The following EFCAB6 variants were observed in gnomAD, a reference collection of about 807,000 sequenced individuals.
EFCAB6 encodes the protein EF-hand calcium-binding domain-containing protein 6.
Under a neutral mutation model 169.8 loss-of-function variants are expected in EFCAB6, and 156 were observed. The ratio of observed to expected loss-of-function variants is 0.92; its 90% CI spans 0.81 to 1.05. The LOEUF is 1.05. EFCAB6 is among the 50% of genes least tolerant of loss of function. The probability of loss-of-function intolerance (pLI) is 0.00; values close to 1 mark genes in which losing one functional copy is unlikely to be tolerated. For missense variants in EFCAB6, 1,800 were observed against 1,829.1 expected (o/e 0.98, Z 0.29); for synonymous variants, 698 against 676.4 (o/e 1.03, Z -0.50).
At chr22:43,618,748 T>A (rs1303735694) in intron 20 of EFCAB6, among the ~76,000 whole-genome samples, 1 of 152,136 alleles carries the variant, frequency 6.6e-6, no homozygotes, top group Non-Finnish European at 1.5e-5. Context: ...CCTGTTTTTG[T>A]CTCTGTTTAC....
chr22:43,755,093 A>C (rs2060906608), intron 6 of EFCAB6, among the ~76,000 whole-genome samples: 1 of 152,326 alleles, frequency 6.6e-6, no homozygotes, highest in African/African-American at 2.4e-5. Flanking sequence ...GAAGAGTTCA[A>C]AAAAGAAAAT....
chr22:43,543,688 A>AGGGGCTGGAT (rs1482946352), intron 27 of EFCAB6, among the ~76,000 whole-genome samples: 1 of 152,054 alleles, frequency 6.6e-6, no homozygotes, highest in African/African-American at 2.4e-5. Context: ...GCTGCCCTGG[A>AGGGGCTGGAT]GGGGCTGGAT....
intron 2 of EFCAB6, among the ~76,000 whole-genome samples, chr22:43,804,009 G>C (rs2062824840): frequency 6.6e-6 from 1 of 152,114 alleles, no homozygotes; most frequent in East Asian, 1.9e-4. Flanking sequence ...ACTGTATCCA[G>C]CTAGAATGAC....
chr22:43,571,843 T>C (rs2049896121), intron 26 of EFCAB6, among the ~76,000 whole-genome samples: 1 of 152,188 alleles, frequency 6.6e-6, no homozygotes. Context: ...CCTCCTGCCA[T>C]GTCATGTTCC....
intron 12 of EFCAB6, among the ~76,000 whole-genome samples, chr22:43,680,565 T>C (rs1291519493): frequency 6.6e-6 from 1 of 152,208 alleles, no homozygotes; most frequent in East Asian, 1.9e-4. Flanking sequence ...ATCTTAATAA[T>C]ATTGTCTCCG....
intron 2 of EFCAB6, among the ~76,000 whole-genome samples, chr22:43,789,532 G>T (rs1423596389): frequency 6.6e-6 from 1 of 152,164 alleles, no homozygotes; most frequent in Non-Finnish European, 1.5e-5. Context: ...GAGTCACAGC[G>T]GTGTCCTGCT....
chr22:43,552,998 T>A (rs1459435049), intron 27 of EFCAB6: 1 of 152,186 alleles, frequency 6.6e-6, no homozygotes, highest in African/African-American at 2.4e-5. Context: ...GCAAAAATGA[T>A]CACACCAAAA....
chr22:43,772,645 A>G (rs1163496605), intron 4 of EFCAB6, among the ~76,000 whole-genome samples: 1 of 150,614 alleles, frequency 6.6e-6, no homozygotes, highest in South Asian at 2.1e-4. Flanking sequence ...CTGTCTCAAA[A>G]AAAAAAAAAA....
intron 26 of EFCAB6, among the ~76,000 whole-genome samples, chr22:43,559,143 T>C (rs1020067671): frequency 4.6e-5 from 7 of 152,050 alleles, no homozygotes; most frequent in African/African-American, 1.7e-4. Flanking sequence ...ATCCAGAATC[T>C]ACAAGGAACT....
At chr22:43,612,009 C>T (rs1478517371) in intron 21 of EFCAB6, among the ~76,000 whole-genome samples, 2 of 152,064 alleles carry the variant, frequency 1.3e-5, no homozygotes, top group African/African-American at 2.4e-5. Flanking sequence ...TAAGACTGCA[C>T]ACCTACAACC....
rs541225076 is a variant in EFCAB6, at chr22:43,737,846, TTC to T, written c.508-1855_508-1854del. On this transcript the variant is annotated intron_variant, in intron 6 of 31. Transcript: ENST00000262726. ...TCACACCATTACTCACACACATATATTCTCACACATACATACATGCACATATA... is the reference window on the plus strand; with the variant it reads ...TCACACCATTACTCACACACATATATTCACACATACATACATGCACATATA... Among the ~76,000 whole-genome samples, 272 of 146,286 alleles carry T rather than the reference TTC, an allele frequency of 1.9e-3. 1 individual carries two copies. The highest frequency in any genetic ancestry group is 2.4e-3 in the Non-Finnish European group (159 of 66,534).
intron 17 of EFCAB6, among the ~76,000 whole-genome samples, chr22:43,652,186 C>G (rs1254391006): frequency 6.6e-6 from 1 of 152,098 alleles, no homozygotes; most frequent in Non-Finnish European, 1.5e-5. Context: ...TTGGGAGGGA[C>G]CTGGTGGGAG....
intron 17 of EFCAB6, among the ~76,000 whole-genome samples, chr22:43,656,151 G>A (rs146553627): frequency 6.6e-6 from 1 of 152,264 alleles, no homozygotes; most frequent in Non-Finnish European, 1.5e-5. Context: ...AGCACTTTGG[G>A]AGGCCAAGGC....
chr22:43,633,567 AAAAC>A (rs753993145), intron 18 of EFCAB6, among the ~76,000 whole-genome samples: 12 of 152,284 alleles, frequency 7.9e-5, no homozygotes, highest in East Asian at 5.8e-4. Context: ...AACAGGAACA[AAAAC>A]AAACAAACAA....
chr22:43,625,948 C>G (rs1044367480), intron 20 of EFCAB6, among the ~76,000 whole-genome samples: 2 of 152,252 alleles, frequency 1.3e-5, no homozygotes, highest in Non-Finnish European at 2.9e-5. Flanking sequence ...AGAGGACAGG[C>G]TGTGCTCACA....
At chr22:43,530,663 A>G (rs1250649750) in intron 31 of EFCAB6, 152 bp downstream of exon 31, 1 of 1,478,362 alleles carries the variant, frequency 6.8e-7, no homozygotes, top group African/African-American at 1.4e-5. Context: ...CCAGGACTGG[A>G]TAACTTGGGG....
At chr22:43,753,915 A>T (rs1342117823) in intron 6 of EFCAB6, among the ~76,000 whole-genome samples, 1 of 152,178 alleles carries the variant, frequency 6.6e-6, no homozygotes, top group African/African-American at 2.4e-5. Context: ...TCATTCCCAA[A>T]CTGTAACCAT....
chr22:43,545,772 G>C (rs992387676), intron 27 of EFCAB6, among the ~76,000 whole-genome samples: 3 of 152,204 alleles, frequency 2.0e-5, no homozygotes, highest in African/African-American at 7.2e-5. Context: ...TCTCCATCAT[G>C]GGACCCCAAG....
intron 4 of EFCAB6, among the ~76,000 whole-genome samples, chr22:43,770,522 C>G (rs2061437231): frequency 6.6e-6 from 1 of 152,022 alleles, no homozygotes; most frequent in South Asian, 2.1e-4. Context: ...TGCAGAAAAA[C>G]AGAAAATCTA....
Sources: allele counts gnomAD v4.1 joint callset (sites outside exome capture counted in the v4.1 genomes callset), GRCh38; gene constraint gnomAD v4.1.1; transcripts MANE v1.5; gene names NCBI Gene and HGNC (gene_info 2026-07-23, HGNC 2026-07-21).